Variants in EXT1 observed in about 807,000 individuals in gnomAD.
The protein encoded by EXT1 is exostosin-1.
In EXT1, 20 loss-of-function variants were observed where a neutral mutation model predicts 82.5. The ratio of observed to expected loss-of-function variants is 0.24; its 90% CI spans 0.17 to 0.35. The LOEUF is 0.35. Among genes scored for constraint, EXT1 ranks in the 10% least tolerant of loss-of-function variants. The pLI is 1.00. For missense variants in EXT1, 757 were observed against 936.5 expected, an observed-to-expected ratio of 0.81 and a Z score of 2.50; for synonymous variants, 348 against 350.8, an observed-to-expected ratio of 0.99 and a Z score of 0.09.
intron 1 of EXT1, among the ~76,000 whole-genome samples, chr8:117,929,825 C>G (rs1484147965): frequency 6.6e-6 from 1 of 152,128 alleles, no homozygotes; most frequent in African/African-American, 2.4e-5. Context: ...AGTGTAAGAG[C>G]AGCCAGGCGT....
At chr8:117,902,235 A>G (rs1029359955) in intron 1 of EXT1, among the ~76,000 whole-genome samples, 2 of 151,670 alleles carry the variant, frequency 1.3e-5, no homozygotes, top group Non-Finnish European at 2.9e-5. Flanking sequence ...GACCTGTCTG[A>G]GGCTGTTTTA....
intron 7 of EXT1, among the ~76,000 whole-genome samples, chr8:117,815,689 T>G (rs765213094): frequency 7.9e-5 from 12 of 152,110 alleles, no homozygotes; most frequent in Non-Finnish European, 1.8e-4. Flanking sequence ...CCCAGCACTT[T>G]GGGAGGCCTA....
At chr8:118,009,710 G>A (rs1264793587) in intron 1 of EXT1, among the ~76,000 whole-genome samples, 3 of 152,162 alleles carry the variant, frequency 2.0e-5, no homozygotes, top group African/African-American at 7.2e-5. Flanking sequence ...ACCCTATTGT[G>A]AACTGTGCAC....
chr8:118,059,068 G>A (rs1816839844), intron 1 of EXT1, among the ~76,000 whole-genome samples: 1 of 152,294 alleles, frequency 6.6e-6, no homozygotes, highest in South Asian at 2.1e-4. Flanking sequence ...GTAAATTGCT[G>A]GTACTATGCT....
intron 1 of EXT1, among the ~76,000 whole-genome samples, chr8:118,107,727 A>G (rs1278699289): frequency 2.0e-5 from 3 of 152,222 alleles, no homozygotes; most frequent in Non-Finnish European, 2.9e-5. Flanking sequence ...ATAAATGGCA[A>G]TAAAGTTTGT....
At chr8:118,087,391 A>G (rs1817440580) in intron 1 of EXT1, among the ~76,000 whole-genome samples, 3 of 152,220 alleles carry the variant, frequency 2.0e-5, no homozygotes, top group Admixed American at 2.0e-4. Context: ...CAAAACAGCT[A>G]TTAGACATTG....
intron 1 of EXT1, among the ~76,000 whole-genome samples, chr8:117,950,158 T>C (rs1316816308): frequency 2.0e-5 from 3 of 152,198 alleles, no homozygotes; most frequent in Non-Finnish European, 4.4e-5. Flanking sequence ...TGAGAATCGC[T>C]TGAACTTGGG....
chr8:117,970,126 G>A (rs1236938216), intron 1 of EXT1, among the ~76,000 whole-genome samples: 1 of 152,140 alleles, frequency 6.6e-6, no homozygotes, highest in Non-Finnish European at 1.5e-5. Context: ...GCCTGCAGAC[G>A]TATTTGTTTA....
chr8:117,961,631 T>C (rs1009784582), intron 1 of EXT1, among the ~76,000 whole-genome samples: 1 of 152,220 alleles, frequency 6.6e-6, no homozygotes, highest in Non-Finnish European at 1.5e-5. Flanking sequence ...GTGCACTTAT[T>C]TCAAGAATTC....
intron 1 of EXT1, among the ~76,000 whole-genome samples, chr8:117,989,769 G>A (rs1815396041): frequency 6.6e-6 from 1 of 152,176 alleles, no homozygotes. Flanking sequence ...CATGCCTAAG[G>A]ACAACAGGTG....
chr8:118,008,842 C>T (rs575418082), intron 1 of EXT1, among the ~76,000 whole-genome samples: 1 of 152,118 alleles, frequency 6.6e-6, no homozygotes, highest in African/African-American at 2.4e-5. Flanking sequence ...TCCCACCTCA[C>T]AGAGTTTTTT....
chr8:118,081,305 G>C (rs1817323842), intron 1 of EXT1, among the ~76,000 whole-genome samples: 1 of 152,194 alleles, frequency 6.6e-6, no homozygotes, highest in Non-Finnish European at 1.5e-5. Context: ...ACATTTTGCA[G>C]TATTTTTACA....
chr8:117,991,598 G>A (rs1348713537), intron 1 of EXT1, among the ~76,000 whole-genome samples: 3 of 151,972 alleles, frequency 2.0e-5, no homozygotes, highest in African/African-American at 7.3e-5. Flanking sequence ...GTAAGACTCT[G>A]TCACCTAGGC....
chr8:117,871,203 C>G (rs1279773703), intron 1 of EXT1, among the ~76,000 whole-genome samples: 1 of 152,182 alleles, frequency 6.6e-6, no homozygotes, highest in African/African-American at 2.4e-5. Context: ...AGGAAAAAAT[C>G]AACCCTAATA....
intron 1 of EXT1, among the ~76,000 whole-genome samples, chr8:118,067,421 T>C (rs1290252695): frequency 2.0e-5 from 3 of 152,212 alleles, no homozygotes; most frequent in African/African-American, 7.2e-5. Context: ...ATACATGGGC[T>C]GGATGGAAGC....
chr8:118,027,340 CACACACACACA>C (rs1816221042), intron 1 of EXT1, among the ~76,000 whole-genome samples: 3 of 151,838 alleles, frequency 2.0e-5, no homozygotes, highest in African/African-American at 7.3e-5. Flanking sequence ...CACACACACA[CACACACACACA>C]CACAATCGCA....
At chr8:117,864,248 A>G (rs1812734566) in intron 1 of EXT1, among the ~76,000 whole-genome samples, 1 of 152,206 alleles carries the variant, frequency 6.6e-6, no homozygotes, top group African/African-American at 2.4e-5. Context: ...AGGTTTACAC[A>G]CTTTTCTTTC....
intron 1 of EXT1, among the ~76,000 whole-genome samples, chr8:117,981,298 TA>T (rs1815197793): frequency 1.3e-5 from 2 of 152,236 alleles, no homozygotes; most frequent in Non-Finnish European, 2.9e-5. Flanking sequence ...AGGAGGGCTG[TA>T]ACTAATCTTT....
At chr8:117,915,348 T>C (rs189356633) in intron 1 of EXT1, among the ~76,000 whole-genome samples, 2 of 137,356 alleles carry the variant, frequency 1.5e-5, no homozygotes, top group African/African-American at 5.1e-5. Flanking sequence ...TTAATAGATA[T>C]AACCATATAT....
Sources: gnomAD v4.1 joint callset for allele counts (sites outside exome capture counted in the v4.1 genomes callset) on GRCh38, gnomAD v4.1.1 for gene constraint, MANE v1.5 for transcripts, NCBI Gene and HGNC (gene_info 2026-07-23, HGNC 2026-07-21) for gene names.